The following MYO16 variants were observed in gnomAD, a reference collection of about 807,000 sequenced individuals.
MYO16 encodes the protein myosin XVI.
In MYO16, 94 loss-of-function variants were observed where a neutral mutation model predicts 205.3. The observed-to-expected ratio is 0.46, with a 90% CI of 0.39 to 0.54. MYO16 has a LOEUF of 0.54. Ranked by LOEUF, MYO16 falls within the 20% of genes least tolerant of loss-of-function variation. MYO16 has a pLI of 0.00. For missense variants in MYO16, 2,315 were observed against 2,387.5 expected (o/e 0.97, Z 0.63); for synonymous variants, 988 against 954.0 (o/e 1.04, Z -0.66).
intron 14 of MYO16, 142 bp downstream of exon 14, chr13:108,888,619 G>A (rs887897832): frequency 1.3e-5 from 6 of 477,596 alleles, no homozygotes; most frequent in Non-Finnish European, 1.9e-5. Flanking sequence ...TATTGAGCTT[G>A]GGTTCAAATA....
At chr13:109,084,865 A>G (rs1484092267) in intron 27 of MYO16, among the ~76,000 whole-genome samples, 1 of 152,112 alleles carries the variant, frequency 6.6e-6, no homozygotes, top group African/African-American at 2.4e-5. Context: ...GCCAGAGAAA[A>G]CAGAAAAATG....
intron 16 of MYO16, among the ~76,000 whole-genome samples, chr13:108,929,860 A>G (rs1882177239): frequency 6.6e-6 from 1 of 152,238 alleles, no homozygotes; most frequent in Non-Finnish European, 1.5e-5. Context: ...AGGGAAAAGA[A>G]AGTAAACCAT....
intron 4 of MYO16, among the ~76,000 whole-genome samples, chr13:108,763,572 T>G (rs1425351395): frequency 6.6e-6 from 1 of 152,142 alleles, no homozygotes; most frequent in Non-Finnish European, 1.5e-5. Context: ...AATACAGATG[T>G]TAAAGAAGAT....
chr13:108,584,079 A>G, the MYO16 span, among the ~76,000 whole-genome samples: 1 of 152,006 alleles, frequency 6.6e-6, no homozygotes, highest in African/African-American at 2.4e-5. Flanking sequence ...TCAGCCTCCC[A>G]AGTATCTGGG....
chr13:109,122,089 C>A (rs1180937558), intron 29 of MYO16, among the ~76,000 whole-genome samples: 2 of 152,178 alleles, frequency 1.3e-5, no homozygotes, highest in African/African-American at 4.8e-5. Flanking sequence ...AGGGATCTGG[C>A]TAGCACAGCA....
chr13:108,617,772 G>A (rs189030106), intron 1 of MYO16, among the ~76,000 whole-genome samples: 1 of 152,138 alleles, frequency 6.6e-6, no homozygotes, highest in Non-Finnish European at 1.5e-5. Flanking sequence ...TGGTTTTACA[G>A]GGAGCCAAGG....
chr13:108,606,638 T>C (rs9583267), intron 1 of MYO16, among the ~76,000 whole-genome samples: 197 of 152,160 alleles, frequency 1.3e-3, no homozygotes, highest in African/African-American at 4.4e-3. Context: ...GGTGGAGCCC[T>C]CAGAGAACCT....
At chr13:109,089,375 A>G (rs1594075699) in intron 27 of MYO16, among the ~76,000 whole-genome samples, 2 of 151,760 alleles carry the variant, frequency 1.3e-5, no homozygotes, top group African/African-American at 2.4e-5. Flanking sequence ...CACCATGCCC[A>G]GCTAATTTTT....
At chr13:108,739,852 T>A (rs990079435) in intron 4 of MYO16, among the ~76,000 whole-genome samples, 1 of 150,216 alleles carries the variant, frequency 6.7e-6, no homozygotes, top group African/African-American at 2.5e-5. Context: ...CACTTTTTTC[T>A]CTAAACTTCT....
At chr13:108,542,482 TA>T in the MYO16 span, among the ~76,000 whole-genome samples, 76 of 152,178 alleles carry the variant, frequency 5.0e-4, no homozygotes, top group Non-Finnish European at 9.9e-4. Flanking sequence ...AAAGTTAAAA[TA>T]TTTTTTAAAA....
chr13:108,689,824 G>A (rs903704902), intron 2 of MYO16, among the ~76,000 whole-genome samples: 1 of 152,028 alleles, frequency 6.6e-6, no homozygotes, highest in East Asian at 1.9e-4. Context: ...ATTTCCAGCA[G>A]AAAATAATCG....
intron 20 of MYO16, among the ~76,000 whole-genome samples, chr13:108,972,335 TATATATATATATAGCC>T (rs1235750922): frequency 2.0e-4 from 5 of 24,646 alleles, no homozygotes; most frequent in African/African-American, 5.5e-4. Flanking sequence ...GCCATCTATA[TATATATATATATAGCC>T]ATATATATAT....
At chr13:108,849,461 G>A (rs897824215) in intron 10 of MYO16, among the ~76,000 whole-genome samples, 8 of 151,618 alleles carry the variant, frequency 5.3e-5, no homozygotes, top group African/African-American at 1.9e-4. Flanking sequence ...AAAGTGCTGG[G>A]ATTACAGGCA....
At chr13:109,143,406 C>G (rs1001596851) in intron 32 of MYO16, among the ~76,000 whole-genome samples, 1 of 152,112 alleles carries the variant, frequency 6.6e-6, no homozygotes, top group Non-Finnish European at 1.5e-5. Context: ...AATTGTACTT[C>G]TAAATAGCAG....
chr13:109,194,582 C>T (rs970769673), intron 34 of MYO16, among the ~76,000 whole-genome samples: 6 of 152,068 alleles, frequency 3.9e-5, no homozygotes, highest in Non-Finnish European at 5.9e-5. Flanking sequence ...AATTTTAATT[C>T]GGACGTACAA....
intron 9 of MYO16, among the ~76,000 whole-genome samples, chr13:108,834,917 A>G (rs1876821410): frequency 6.6e-6 from 1 of 152,072 alleles, no homozygotes; most frequent in Non-Finnish European, 1.5e-5. Flanking sequence ...CACAGTGATT[A>G]TAGATAAAAA....
At chr13:108,699,444 TA>T (rs1415154279) in intron 2 of MYO16, among the ~76,000 whole-genome samples, 2 of 152,232 alleles carry the variant, frequency 1.3e-5, no homozygotes, top group South Asian at 2.1e-4. Flanking sequence ...AAATTTGGCA[TA>T]AAAAAGAGCA....
chr13:108,997,033 G>A (rs116328262), intron 21 of MYO16, among the ~76,000 whole-genome samples: 8,196 of 152,142 alleles, frequency 0.054, 300 homozygotes, highest in African/African-American at 0.094. Context: ...GCTCCTGTCT[G>A]TAATCCCAGC....
rs1462337315 is a variant in MYO16 at position 109,140,549 on chromosome 13, G to A, written c.4337G>A (p.Ser1446Asn). Residue 1446 changes from serine (S) to asparagine (N), a missense_variant, in exon 32 of 35, where the codon AGC (serine) becomes AAC (asparagine). Ser to Asn is a conservative substitution (Grantham distance 46). This residue lies in a region of MYO16 where 1,097 missense variants were observed against 1,092.0 expected (regional missense o/e 1.00). Coordinates refer to ENST00000457511, the MANE Select transcript of MYO16 (RefSeq NM_001198950.3). This position sits in a 1 kb window ranked among gnomAD's most constrained non-coding sequence, Gnocchi z 8.0. ...CTGGGGCACGCGGCCAGGCCCGATAGCCCGGACCCCGGGGAGTCCGTGTAC... is the reference window on the plus strand; with the variant it reads ...CTGGGGCACGCGGCCAGGCCCGATAACCCGGACCCCGGGGAGTCCGTGTAC... The part of the protein sequence containing the change: ...EMLGHAARPD[S>N]PDPGESVYEE... 6.5e-7 allele frequency: 1 copy of A among 1,545,760 alleles called. No individual in the cohort carries two copies. The highest frequency in any genetic ancestry group is 2.4e-5 in the East Asian group (1 of 41,362).
Sources: allele counts gnomAD v4.1 joint callset (sites outside exome capture counted in the v4.1 genomes callset), GRCh38; gene constraint gnomAD v4.1.1; regional missense constraint gnomAD v4.1.1; non-coding constraint Gnocchi (gnomAD v3.1); transcripts MANE v1.5; gene names NCBI Gene and HGNC (gene_info 2026-07-23, HGNC 2026-07-21).